The following VSX2 variants were observed in gnomAD, a reference collection of about 807,000 sequenced individuals.
VSX2 encodes the protein visual system homeobox 2.
A neutral mutation model predicts 32.1 loss-of-function variants in VSX2; 28 were observed. That is an observed-to-expected ratio of 0.87 (90% CI 0.65 to 1.20). The LOEUF (loss-of-function observed/expected upper bound fraction) is 1.20. VSX2 is among the 50% of genes most tolerant of loss of function. The probability of loss-of-function intolerance (pLI) is 0.00; values close to 1 mark genes in which losing one functional copy is unlikely to be tolerated. For missense variants in VSX2, 506 were observed against 488.7 expected, an observed-to-expected ratio of 1.04 and a Z score of -0.33; for synonymous variants, 243 against 214.1, an observed-to-expected ratio of 1.14 and a Z score of -1.18.
chr14:74,240,039 G>C, intron 1 of VSX2, 108 bp downstream of exon 1: 1 of 1,439,128 alleles, frequency 6.9e-7, no homozygotes. Flanking sequence ...AAAAGTTCCT[G>C]CCAGGCCGGG....
chr14:74,249,860 G>C lies in VSX2; in HGVS notation c.579+4572G>C, dbSNP rs114561702. ...ACGTCCTCACTCCACATCGCTCTGG[G>C]CTGGAGGTGGAGGATTATGGTGCAG... On this transcript the variant is annotated intron_variant, in intron 3 of 4. Coordinates refer to ENST00000261980, the MANE Select transcript of VSX2 (RefSeq NM_182894.3). Among the ~76,000 whole-genome samples, 1,012 of 152,282 alleles carry C rather than the reference G, an allele frequency of 6.6e-3. 20 individuals carry two copies. The highest frequency in any genetic ancestry group is 0.023 in the African/African-American group (972 of 41,554).
chr14:74,259,883 G>A (rs962339024), intron 4 of VSX2, 101 bp downstream of exon 4: 29 of 1,241,636 alleles, frequency 2.3e-5, no homozygotes, highest in Non-Finnish European at 2.7e-5. Context: ...TTGGGCCACA[G>A]CAGCCTAGCA....
chr14:74,246,644 C>G (rs1249018333), intron 3 of VSX2, among the ~76,000 whole-genome samples: 2 of 152,232 alleles, frequency 1.3e-5, no homozygotes, highest in East Asian at 1.9e-4. Flanking sequence ...AAGCCTTAAA[C>G]TGCACGGCAG....
intron 2 of VSX2, among the ~76,000 whole-genome samples, chr14:74,244,464 G>T (rs910222398): frequency 6.6e-6 from 1 of 152,136 alleles, no homozygotes; most frequent in Non-Finnish European, 1.5e-5. Context: ...AGGAGGAAGG[G>T]GTGCTGGGGG....
At chr14:74,243,745 A>G (rs1247937416) in intron 2 of VSX2, among the ~76,000 whole-genome samples, 1 of 152,046 alleles carries the variant, frequency 6.6e-6, no homozygotes, top group East Asian at 1.9e-4. Context: ...TTAGAATCAA[A>G]CCAGTCATTT....
chr14:74,239,878 A>C lies in VSX2; in HGVS notation c.317A>C (p.Gln106Pro). The C allele has an allele frequency of 1.3e-6, 2 of 1,576,294 alleles. No individual in the cohort carries two copies. Among genetic ancestry groups the C allele is most frequent in the Non-Finnish European group, 1.7e-6 (2 of 1,162,120 alleles). ...TCCGACCCGCAGAGCGTCCACTTGC[A>C]GCCATTGGGCAGAGCATCGGGGCCG... ...VLSDPQSVHL[Q>P]PLGRASGPLD... Residue 106 changes from glutamine (Q) to proline (P), a missense_variant, in exon 1 of 5, where the codon CAG (glutamine) becomes CCG (proline). By Grantham distance (76) the Gln-to-Pro change is moderately conservative. Coordinates refer to ENST00000261980, the MANE Select transcript of VSX2 (RefSeq NM_182894.3).
chr14:74,248,352 C>CAA lies in VSX2; in HGVS notation c.579+3071_579+3072dup, dbSNP rs1272271068. ...ACCAGGCTAAAAAAAAAAAAAAAAA[C>CAA]AAAAAAAACCAAAAACGAGACCCTG... On this transcript the variant is annotated intron_variant, in intron 3 of 4. Coordinates refer to ENST00000261980, the MANE Select transcript of VSX2 (RefSeq NM_182894.3). Among the ~76,000 whole-genome samples, 232 of 76,876 alleles carry CAA rather than the reference C, an allele frequency of 3.0e-3. 3 individuals are homozygous for CAA. Among genetic ancestry groups the CAA allele is most frequent in the African/African-American group, 8.6e-3 (213 of 24,880 alleles). The allele number at this position is 76,876 out of a possible 152,430, so 50.4% of individuals were successfully genotyped here.
chr14:74,259,373 GCATCCATACCC>G (rs1443985708), intron 3 of VSX2, among the ~76,000 whole-genome samples: 2 of 151,850 alleles, frequency 1.3e-5, no homozygotes, highest in Non-Finnish European at 2.9e-5. Context: ...TGTCCAGGAA[GCATCCATACCC>G]CATCTCCCTA....
intron 4 of VSX2, 49 bp downstream of exon 4, chr14:74,259,831 G>A (rs772927508): frequency 9.9e-5 from 156 of 1,575,914 alleles, no homozygotes; most frequent in Non-Finnish European, 1.1e-4. Flanking sequence ...TGAGGAGAGC[G>A]GGCTCCTTGG....
At chr14:74,256,609 TC>T (rs2079264103) in intron 3 of VSX2, among the ~76,000 whole-genome samples, 1 of 151,444 alleles carries the variant, frequency 6.6e-6, no homozygotes, top group Admixed American at 6.6e-5. Context: ...TGGAATTCCA[TC>T]ACCAGGGGAT....
intron 2 of VSX2, among the ~76,000 whole-genome samples, chr14:74,243,545 C>T (rs1256970289): frequency 6.6e-6 from 1 of 151,248 alleles, no homozygotes; most frequent in Non-Finnish European, 1.5e-5. Flanking sequence ...GCCTTTGTGC[C>T]TCAGTTTCCC....
At chr14:74,255,325 G>C (rs564118067) in intron 3 of VSX2, among the ~76,000 whole-genome samples, 77 of 152,296 alleles carry the variant, frequency 5.1e-4, no homozygotes, top group Non-Finnish European at 9.4e-4. Flanking sequence ...TCCCTCCAAG[G>C]CACCATTGCC....
chr14:74,244,126 C>T (rs1385396944), intron 2 of VSX2, among the ~76,000 whole-genome samples: 3 of 152,148 alleles, frequency 2.0e-5, no homozygotes, highest in African/African-American at 4.8e-5. Flanking sequence ...CTATGAATCC[C>T]CTAATGTTGG....
intron 2 of VSX2, among the ~76,000 whole-genome samples, chr14:74,244,256 C>T (rs914408870): frequency 4.6e-5 from 7 of 152,172 alleles, no homozygotes; most frequent in African/African-American, 7.2e-5. Context: ...ATGAACTGCT[C>T]TGTTGGGGGT....
intron 3 of VSX2, among the ~76,000 whole-genome samples, chr14:74,259,018 C>A (rs2079285810): frequency 6.6e-6 from 1 of 152,162 alleles, no homozygotes; most frequent in Non-Finnish European, 1.5e-5. Flanking sequence ...GTGGAGGAGG[C>A]AGGCTGACCC....
At chr14:74,251,821 GA>G (rs2079230945) in intron 3 of VSX2, among the ~76,000 whole-genome samples, 1 of 75,966 alleles carries the variant, frequency 1.3e-5, no homozygotes, top group African/African-American at 3.9e-5. Flanking sequence ...AGTGGGTGCA[GA>G]GTGTGAAGCC....
chr14:74,249,888 T>A (rs967158218), intron 3 of VSX2, among the ~76,000 whole-genome samples: 1 of 152,096 alleles, frequency 6.6e-6, no homozygotes, highest in Non-Finnish European at 1.5e-5. Context: ...TGGTGCAGTG[T>A]TGGGGAAAGA....
chr14:74,244,945 A>T (rs1444417097), intron 2 of VSX2, among the ~76,000 whole-genome samples: 71 of 60,118 alleles, frequency 1.2e-3, no homozygotes, highest in East Asian at 3.1e-3. Context: ...AGAGAGAGAA[A>T]GTGTGTGTGT....
At chr14:74,244,943 AAAGTGTGT>A (rs1451665627) in intron 2 of VSX2, among the ~76,000 whole-genome samples, 252 of 62,930 alleles carry the variant, frequency 4.0e-3, no homozygotes, top group African/African-American at 0.011. Flanking sequence ...AGAGAGAGAG[AAAGTGTGT>A]GTGTGTGTGT....
Sources: allele counts gnomAD v4.1 joint callset (sites outside exome capture counted in the v4.1 genomes callset), GRCh38; gene constraint gnomAD v4.1.1; transcripts MANE v1.5; gene names NCBI Gene and HGNC (gene_info 2026-07-23, HGNC 2026-07-21).